Variants in NBAS observed in about 807,000 individuals in gnomAD.
NBAS encodes the protein NAG/BC035112 fusion.
A neutral mutation model predicts 302.5 loss-of-function variants in NBAS; 219 were observed. That is an observed-to-expected ratio of 0.72 (90% CI 0.65 to 0.81). NBAS has a LOEUF of 0.81. NBAS is among the 30% of genes least tolerant of loss of function. The pLI is 0.00. For missense variants in NBAS, 2,932 were observed against 2,841.6 expected (o/e 1.03, Z -0.72); for synonymous variants, 1,118 against 1,021.6 (o/e 1.09, Z -1.80).
intron 35 of NBAS, among the ~76,000 whole-genome samples, chr2:15,350,349 G>A (rs1673293569): frequency 6.6e-6 from 1 of 151,986 alleles, no homozygotes; most frequent in South Asian, 2.1e-4. Context: ...AAAAATAAAG[G>A]ATATTTTACA....
At chr2:14,883,394 G>A in the NBAS span, among the ~76,000 whole-genome samples, 1 of 152,076 alleles carries the variant, frequency 6.6e-6, no homozygotes, top group Non-Finnish European at 1.5e-5. Flanking sequence ...AATGCTTTAT[G>A]CTTGCAATCT....
At position 15,511,333 on chromosome 2, in the gene NBAS, C is replaced by T. The variant is rs751463770; in HGVS notation, c.764G>A (p.Gly255Glu). ...CATGCCTACTTCAGCAGTTTCACATCCACCAACAAGTAAAAGTCTAAAAAG... is the reference window on the plus strand; with the variant it reads ...CATGCCTACTTCAGCAGTTTCACATTCACCAACAAGTAAAAGTCTAAAAAG... ...HPGHRLLLVG[G>E]CETAEVGMSK... The change falls in exon 10 of 52, where the codon GGA becomes GAA. Residue 255 changes from glycine to glutamate, a missense_variant. Gly to Glu is a moderately conservative substitution (Grantham distance 98). Transcript: ENST00000281513. 1 of 1,613,904 alleles carries T rather than the reference C, an allele frequency of 6.2e-7. No homozygotes were observed.
the NBAS span, among the ~76,000 whole-genome samples, chr2:15,124,825 G>A: frequency 2.6e-5 from 4 of 152,324 alleles, no homozygotes; most frequent in South Asian, 2.1e-4. Flanking sequence ...GAGGCTTAGC[G>A]GCTTCCACCT....
At chr2:14,959,317 T>C in the NBAS span, among the ~76,000 whole-genome samples, 1,870 of 152,330 alleles carry the variant, frequency 0.012, 42 homozygotes, top group African/African-American at 0.043. Context: ...AGAATCATCG[T>C]ATTAACCCTC....
At chr2:15,263,793 C>A (rs1341985281) in intron 44 of NBAS, among the ~76,000 whole-genome samples, 2 of 152,194 alleles carry the variant, frequency 1.3e-5, no homozygotes, top group African/African-American at 4.8e-5. Context: ...TACCTTTCTG[C>A]CTCCACATCT....
chr2:14,859,158 T>C, the NBAS span, among the ~76,000 whole-genome samples: 6 of 151,986 alleles, frequency 3.9e-5, no homozygotes, highest in African/African-American at 1.4e-4. Flanking sequence ...AGAAAAATTA[T>C]AAAACACTGA....
intron 44 of NBAS, among the ~76,000 whole-genome samples, chr2:15,264,157 G>T (rs374767225): frequency 2.6e-5 from 4 of 152,188 alleles, no homozygotes; most frequent in African/African-American, 9.7e-5. Context: ...CATGAAGTTT[G>T]CCAGAAAGAG....
chr2:15,545,023 AT>A (rs1664036210), intron 6 of NBAS, among the ~76,000 whole-genome samples: 3 of 149,052 alleles, frequency 2.0e-5, no homozygotes, highest in African/African-American at 7.3e-5. Context: ...AAAAAAAAAA[AT>A]ATATCCAATA....
intron 47 of NBAS, among the ~76,000 whole-genome samples, chr2:15,219,586 A>C (rs1170254607): frequency 7.3e-6 from 1 of 136,810 alleles, no homozygotes; most frequent in Non-Finnish European, 1.5e-5. Context: ...ACCGCCCTTA[A>C]TCCATTTAAC....
chr2:15,489,056 T>A, intron 11 of NBAS, 34 bp from the exon 12 acceptor site: 1 of 1,609,762 alleles, frequency 6.2e-7, no homozygotes, highest in Non-Finnish European at 8.5e-7. Flanking sequence ...GGCAAAGGAC[T>A]TATGGTCAAA....
At chr2:15,033,490 C>A in the NBAS span, among the ~76,000 whole-genome samples, 1 of 152,012 alleles carries the variant, frequency 6.6e-6, no homozygotes, top group Non-Finnish European at 1.5e-5. Context: ...ATATTTTGGA[C>A]GTGAGAAGGA....
At chr2:15,468,294 A>C in intron 17 of NBAS, 88 bp downstream of exon 17, 1 of 1,484,852 alleles carries the variant, frequency 6.7e-7, no homozygotes, top group Admixed American at 1.7e-5. Context: ...TAACTTAAAT[A>C]AAGAAAAGTT....
chr2:15,285,224 C>G (rs1669985010), intron 42 of NBAS, among the ~76,000 whole-genome samples: 1 of 152,144 alleles, frequency 6.6e-6, no homozygotes, highest in Non-Finnish European at 1.5e-5. Context: ...GTTAAAATTT[C>G]TAAGTGATTA....
chr2:14,794,178 C>G, the NBAS span, among the ~76,000 whole-genome samples: 1 of 152,204 alleles, frequency 6.6e-6, no homozygotes, highest in Non-Finnish European at 1.5e-5. Context: ...ATTGTCCACT[C>G]TCAATATCCT....
chr2:14,997,085 A>G, the NBAS span, among the ~76,000 whole-genome samples: 1 of 152,208 alleles, frequency 6.6e-6, no homozygotes, highest in African/African-American at 2.4e-5. Flanking sequence ...ATCTTACTAA[A>G]TTATCGGAGC....
At chr2:14,815,452 A>C in the NBAS span, among the ~76,000 whole-genome samples, 1 of 152,214 alleles carries the variant, frequency 6.6e-6, no homozygotes, top group African/African-American at 2.4e-5. Context: ...GTTGTCAGCC[A>C]AAGAGTGCCC....
At chr2:15,427,373 A>G (rs1239718706) in intron 22 of NBAS, among the ~76,000 whole-genome samples, 1 of 152,152 alleles carries the variant, frequency 6.6e-6, no homozygotes, top group Non-Finnish European at 1.5e-5. Flanking sequence ...AAGAAAAAAA[A>G]TTAAAACTGA....
intron 44 of NBAS, among the ~76,000 whole-genome samples, chr2:15,269,210 A>G (rs1435566288): frequency 2.6e-5 from 4 of 152,226 alleles, no homozygotes; most frequent in Non-Finnish European, 5.9e-5. Context: ...AGGAAGGCAG[A>G]GTGACCACGG....
chr2:15,402,571 T>C (rs546403433), intron 25 of NBAS, among the ~76,000 whole-genome samples: 12 of 152,276 alleles, frequency 7.9e-5, no homozygotes, highest in African/African-American at 2.9e-4. Context: ...CCAGTCAATA[T>C]AGAAAAAAGA....
Sources: gnomAD v4.1 joint callset for allele counts (sites outside exome capture counted in the v4.1 genomes callset) on GRCh38, gnomAD v4.1.1 for gene constraint, MANE v1.5 for transcripts, NCBI Gene and HGNC (gene_info 2026-07-23, HGNC 2026-07-21) for gene names.